The following SLC38A10 variants were observed in gnomAD, a reference collection of about 807,000 sequenced individuals.
The protein encoded by SLC38A10 is solute carrier family 38 member 10.
Under a neutral mutation model 81.0 loss-of-function variants are expected in SLC38A10, and 53 were observed. The observed-to-expected ratio is 0.65, with a 90% CI of 0.53 to 0.82. The LOEUF (loss-of-function observed/expected upper bound fraction) is 0.82, where lower values mean the gene tolerates loss of function less well. Among genes scored for constraint, SLC38A10 ranks in the 40% least tolerant of loss-of-function variants. SLC38A10 has a pLI of 0.00. For missense variants in SLC38A10, 1,471 were observed against 1,545.0 expected, an observed-to-expected ratio of 0.95 and a Z score of 0.80; for synonymous variants, 665 against 655.3, an observed-to-expected ratio of 1.01 and a Z score of -0.23.
chr17:81,268,786 T>C (rs999892371), intron 10 of SLC38A10, among the ~76,000 whole-genome samples: 1 of 150,306 alleles, frequency 6.7e-6, no homozygotes, highest in African/African-American at 2.4e-5. Context: ...GTTGAAAGTT[T>C]TCCCTCAAAA....
rs1398388380 is a variant in SLC38A10 at position 81,289,855 on chromosome 17, C to T, written c.100-47G>A. On this transcript the variant is annotated intron_variant, in intron 1 of 15. Transcript: ENST00000374759. This position sits in a 1 kb window ranked among gnomAD's most constrained non-coding sequence, Gnocchi z 5.9. ...ACATGTTCACAGCAGCAGGTGCTCC[C>T]CAGAGGCCCTCACCCCACACACGCG... is the stretch of plus-strand genomic sequence containing the variant. The T allele has an allele frequency of 2.0e-6, 3 of 1,472,420 alleles. No homozygotes were observed. Among genetic ancestry groups the T allele is most frequent in the African/African-American group, 2.8e-5 (2 of 70,866 alleles). 91.2% of individuals were successfully genotyped at this position (1,472,420 alleles called of 1,614,324 possible).
rs1260591997 is a variant in SLC38A10 at position 81,270,662 on chromosome 17, G to C, written c.1131+256C>G. ...GAAACACCATGGGGAAAGCGCTTAC[G>C]ACTCAGCTAAGTCGGCTCTCAGGAA... On this transcript the variant is annotated intron_variant, in intron 10 of 15. Transcript: ENST00000374759. This position sits in a 1 kb window ranked among gnomAD's most constrained non-coding sequence, Gnocchi z 4.0. Among the ~76,000 whole-genome samples the C allele has an allele frequency of 2.0e-5, 3 of 152,186 alleles. No homozygotes were observed. The highest frequency in any genetic ancestry group is 2.9e-5 in the Non-Finnish European group (2 of 68,026).
At chr17:81,254,483 T>C (rs564712464) in intron 11 of SLC38A10, among the ~76,000 whole-genome samples, 10 of 152,360 alleles carry the variant, frequency 6.6e-5, no homozygotes, top group African/African-American at 2.2e-4. Context: ...ACTCCTGCTG[T>C]GTCGCCCAGG....
In SLC38A10 at chr17:81,245,130, T is replaced by C. The variant is rs181944224; in HGVS notation, c.*426A>G. The C allele has an allele frequency of 1.5e-3, 277 of 185,958 alleles. 1 individual carries two copies. Among genetic ancestry groups the C allele is most frequent in the African/African-American group, 6.3e-3 (269 of 42,822 alleles). The allele number at this position is 185,958 out of a possible 1,614,324, so 11.5% of individuals were successfully genotyped here. A position where few individuals can be genotyped will look rare whatever the true frequency, so the allele number is the denominator to read the frequency against. On this transcript the variant is annotated 3_prime_UTR_variant, in exon 16 of 16. Coordinates refer to ENST00000374759, the MANE Select transcript of SLC38A10 (RefSeq NM_001037984.3). ...GGATGCTGGCTCTCACAGTAGCCTG[T>C]GTTGGGACCATGAGCAGCCATGCGC... is the stretch of plus-strand genomic sequence containing the variant.
At position 81,277,644 on chromosome 17, in the gene SLC38A10, G is replaced by GA. The variant is rs1367810858; in HGVS notation, c.627-512dup. Among the ~76,000 whole-genome samples, 1 of 152,240 alleles carries GA rather than the reference G, an allele frequency of 6.6e-6. No individual in the cohort carries two copies. The highest frequency in any genetic ancestry group is 2.4e-5 in the African/African-American group (1 of 41,458). The stretch of plus-strand genomic sequence containing the variant: ...CTGCAGCCTCTCACTTGTGTGATGA[G>GA]AAAACTGGCTTCGGTCCCACAGCCT... On this transcript the variant is annotated intron_variant, in intron 6 of 15. Coordinates refer to ENST00000374759, the MANE Select transcript of SLC38A10 (RefSeq NM_001037984.3). The surrounding 1 kb of genome is among the most constrained non-coding windows in gnomAD (Gnocchi z 4.5).
chr17:81,252,091 G>C (rs548977952), intron 13 of SLC38A10, 104 bp downstream of exon 13: 3 of 1,438,952 alleles, frequency 2.1e-6, no homozygotes, highest in Admixed American at 2.5e-5. Flanking sequence ...TGCAGGGAGA[G>C]AGACTGGGGA....
Position 81,253,972 on chromosome 17 carries a change from C to A in SLC38A10, c.1289-732G>T, listed in dbSNP as rs1447868055. 6.6e-6 allele frequency among the ~76,000 whole-genome samples: 1 copy of A among 151,552 alleles called. No individual in the cohort carries two copies. Among genetic ancestry groups the A allele is most frequent in the African/African-American group, 2.4e-5 (1 of 40,962 alleles). On this transcript the variant is annotated intron_variant, in intron 11 of 15. Coordinates refer to ENST00000374759, the MANE Select transcript of SLC38A10 (RefSeq NM_001037984.3). This position sits in a 1 kb window ranked among gnomAD's most constrained non-coding sequence, Gnocchi z 4.1. ...CGTCATCACCACCACCATCTCCATC[C>A]CCACCACCATCGCTGCATCATTGCC...
rs1331465969 is a variant in SLC38A10 at position 81,294,930 on chromosome 17, G to A, written c.-9C>T. ...GCGGCGGCCGCGGTCATAGTGAGAG[G>A]TCTAGGGGCCCGGGGCGAGAGGCCT... On this transcript the variant is annotated 5_prime_UTR_variant, in exon 1 of 16. Coordinates refer to ENST00000374759, the MANE Select transcript of SLC38A10 (RefSeq NM_001037984.3). 1.9e-6 allele frequency: 3 copies of A among 1,582,592 alleles called. No individual in the cohort carries two copies. The highest frequency in any genetic ancestry group is 1.1e-5 in the South Asian group (1 of 87,520).
chr17:81,251,008 G>T (rs1567923702), intron 14 of SLC38A10: 1 of 1,400,074 alleles, frequency 7.1e-7, no homozygotes, highest in Non-Finnish European at 9.3e-7. Context: ...CAGTGCTCTG[G>T]GCCAGGGCTA....
chr17:81,259,099 T>C (rs1345361692), intron 11 of SLC38A10, among the ~76,000 whole-genome samples: 1 of 152,218 alleles, frequency 6.6e-6, no homozygotes, highest in East Asian at 1.9e-4. Context: ...AGAACAGAGA[T>C]GACAACAAGC....
intron 6 of SLC38A10, chr17:81,280,306 T>A: frequency 2.0e-6 from 1 of 498,774 alleles, no homozygotes; most frequent in East Asian, 3.9e-5. Context: ...CTCTGTGCAG[T>A]CAGATGGCTG....
chr17:81,255,531 GGGA>G (rs1202576862), intron 11 of SLC38A10, among the ~76,000 whole-genome samples: 2 of 152,232 alleles, frequency 1.3e-5, no homozygotes, highest in Admixed American at 1.3e-4. Context: ...CTCCTCGGGA[GGGA>G]GGAGATCTCT....
rs900944917 is a variant in SLC38A10 at position 81,270,330 on chromosome 17, A to C, written c.1131+588T>G. Among the ~76,000 whole-genome samples, 33 of 152,238 alleles carry C rather than the reference A, an allele frequency of 2.2e-4. No homozygotes were observed. The highest frequency in any genetic ancestry group is 2.0e-4 in the Admixed American group (3 of 15,286). On this transcript the variant is annotated intron_variant, in intron 10 of 15. Coordinates refer to ENST00000374759, the MANE Select transcript of SLC38A10 (RefSeq NM_001037984.3). This position sits in a 1 kb window ranked among gnomAD's most constrained non-coding sequence, Gnocchi z 4.0. ...AGATATTCATCGCGATTCTGTCTGC[A>C]ATAGCAAGACTGGAGAGGTGAGTCC...
At chr17:81,291,130 G>C (rs1007912907) in intron 1 of SLC38A10, among the ~76,000 whole-genome samples, 1 of 152,150 alleles carries the variant, frequency 6.6e-6, no homozygotes, top group Non-Finnish European at 1.5e-5. Context: ...GGACGGTGAG[G>C]GGGGCGGGGG....
chr17:81,279,212 G>A (rs988970359), intron 6 of SLC38A10, among the ~76,000 whole-genome samples: 3 of 152,230 alleles, frequency 2.0e-5, no homozygotes, highest in African/African-American at 7.2e-5. Context: ...GGCCTCCTGG[G>A]CTCAGTGCTG....
At chr17:81,268,363 A>C (rs2063087095) in intron 10 of SLC38A10, among the ~76,000 whole-genome samples, 1 of 152,164 alleles carries the variant, frequency 6.6e-6, no homozygotes, top group South Asian at 2.1e-4. Flanking sequence ...ACAAGAAGCC[A>C]CAAAGAATCA....
In SLC38A10 at chr17:81,265,973, A is replaced by G. The variant is rs74002224; in HGVS notation, c.1131+4945T>C. Among the ~76,000 whole-genome samples, 1,259 of 152,324 alleles carry G rather than the reference A, an allele frequency of 8.3e-3. 15 individuals are homozygous for G. Among genetic ancestry groups the G allele is most frequent in the African/African-American group, 0.029 (1,205 of 41,570 alleles). On this transcript the variant is annotated intron_variant, in intron 10 of 15. Coordinates refer to ENST00000374759, the MANE Select transcript of SLC38A10 (RefSeq NM_001037984.3). This position sits in a 1 kb window ranked among gnomAD's most constrained non-coding sequence, Gnocchi z 4.2. ...GTGCGCTTTCTAGCTTCCAAAAGAC[A>G]TGGCAAAGCAGGCACAGAGAGATGC...
intron 10 of SLC38A10, 55 bp from the exon 11 acceptor site, chr17:81,260,449 C>A: frequency 1.3e-6 from 2 of 1,556,586 alleles, no homozygotes; most frequent in South Asian, 1.2e-5. Flanking sequence ...CGCCCCTGCC[C>A]AGGGTATAAA....
At position 81,253,250 on chromosome 17, in the gene SLC38A10, G is replaced by A. The variant is rs374256431; in HGVS notation, c.1289-10C>T. On this transcript the variant is annotated splice_polypyrimidine_tract_variant and intron_variant, in intron 11 of 15. Coordinates refer to ENST00000374759, the MANE Select transcript of SLC38A10 (RefSeq NM_001037984.3). This position sits in a 1 kb window ranked among gnomAD's most constrained non-coding sequence, Gnocchi z 4.1. ...ACAACCGGATCCTGGGCTGGGAGCA[G>A]GGCACAGTTAGGGAACTGCACTGCC... The A allele has an allele frequency of 6.6e-5, 107 of 1,613,204 alleles. No individual in the cohort carries two copies. Among genetic ancestry groups the A allele is most frequent in the Middle Eastern group, 1.6e-4 (1 of 6,078 alleles).
Sources: gnomAD v4.1 joint callset for allele counts (sites outside exome capture counted in the v4.1 genomes callset) on GRCh38, gnomAD v4.1.1 for gene constraint, Gnocchi (gnomAD v3.1) non-coding constraint, MANE v1.5 for transcripts, NCBI Gene and HGNC (gene_info 2026-07-23, HGNC 2026-07-21) for gene names.